KATNIP: variants seen among roughly 807,000 people sequenced by gnomAD.
KATNIP encodes katanin-interacting protein.
A neutral mutation model predicts 174.0 loss-of-function variants in KATNIP; 126 were observed. The observed-to-expected ratio is 0.72, with a 90% CI of 0.63 to 0.84. The LOEUF (loss-of-function observed/expected upper bound fraction) is 0.84. Among genes scored for constraint, KATNIP ranks in the 40% least tolerant of loss-of-function variants. KATNIP has a pLI of 0.00. For synonymous variants in KATNIP, 810 were observed against 835.7 expected, an observed-to-expected ratio of 0.97 and a Z score of 0.53; for missense variants, 1,958 against 2,109.7, an observed-to-expected ratio of 0.93 and a Z score of 1.41.
intron 8 of KATNIP, among the ~76,000 whole-genome samples, chr16:27,689,073 A>C (rs1270407975): frequency 6.6e-6 from 1 of 152,230 alleles, no homozygotes; most frequent in Non-Finnish European, 1.5e-5. Context: ...TGTGAAGATC[A>C]TAGTGCCAGG....
At position 27,774,931 on chromosome 16, in the gene KATNIP, A is replaced by G. The variant is rs1457294946; in HGVS notation, c.4310-14A>G. The stretch of plus-strand genomic sequence containing the variant: ...ACACAGATTTGGGTTATGGCAACTT[A>G]GACGTCTCCTCAGATATTGCGGCCT... On this transcript the variant is annotated splice_polypyrimidine_tract_variant and intron_variant, in intron 23 of 27. Transcript: ENST00000261588. The G allele has an allele frequency of 1.9e-6, 3 of 1,613,682 alleles. No individual in the cohort carries two copies. Among genetic ancestry groups the G allele is most frequent in the Non-Finnish European group, 2.5e-6 (3 of 1,179,864 alleles).
Position 27,751,907 on chromosome 16 carries a change from T to C in KATNIP, c.3535T>C (p.Leu1179=). 6.2e-7 allele frequency: 1 copy of C among 1,610,720 alleles called. No homozygotes were observed. Among genetic ancestry groups the C allele is most frequent in the South Asian group, 1.1e-5 (1 of 90,932 alleles). Residue 1179 remains leucine, a synonymous_variant, in exon 17 of 28, where the codon TTG becomes CTG. Transcript: ENST00000261588. The part of the protein sequence containing the change: ...GDERPFTQAG[L]GADERIPELE... ...TGAGCGGCCCTTCACCCAGGCTGGC[T>C]TGGGGGCTGATGAACGGGTAGGACT...
intron 1 of KATNIP, among the ~76,000 whole-genome samples, chr16:27,558,486 C>T (rs2089720715): frequency 6.6e-6 from 1 of 152,116 alleles, no homozygotes; most frequent in Non-Finnish European, 1.5e-5. Flanking sequence ...ATATTATCTG[C>T]CTTTAGAAAC....
chr16:27,728,153 A>G (rs181919294), intron 14 of KATNIP, among the ~76,000 whole-genome samples: 1 of 152,394 alleles, frequency 6.6e-6, no homozygotes, highest in Admixed American at 6.5e-5. Flanking sequence ...GGGCCCGGGA[A>G]GTATGACGGG....
chr16:27,597,695 G>T (rs1273363050), intron 2 of KATNIP, among the ~76,000 whole-genome samples: 1 of 152,068 alleles, frequency 6.6e-6, no homozygotes, highest in East Asian at 1.9e-4. Flanking sequence ...GGAGGGAAAT[G>T]GCTGGGTCTG....
intron 13 of KATNIP, among the ~76,000 whole-genome samples, chr16:27,719,475 C>T (rs1326564657): frequency 6.6e-6 from 1 of 151,954 alleles, no homozygotes; most frequent in African/African-American, 2.4e-5. Context: ...TGGGTTCAAG[C>T]GATTCTCCTG....
chr16:27,683,557 G>C (rs2078421887), intron 8 of KATNIP, among the ~76,000 whole-genome samples: 1 of 152,176 alleles, frequency 6.6e-6, no homozygotes, highest in Admixed American at 6.5e-5. Flanking sequence ...GCGTCACAGA[G>C]TTGTCACATT....
At chr16:27,739,824 G>A (rs531851323) in intron 14 of KATNIP, among the ~76,000 whole-genome samples, 79 of 151,298 alleles carry the variant, frequency 5.2e-4, no homozygotes, top group African/African-American at 1.9e-3. Context: ...GATTGAGGCC[G>A]TCTCTTTGTG....
At chr16:27,650,592 G>A (rs988074983) in intron 6 of KATNIP, among the ~76,000 whole-genome samples, 9 of 152,108 alleles carry the variant, frequency 5.9e-5, no homozygotes, top group African/African-American at 2.2e-4. Context: ...TCTACGTATC[G>A]CTTTTATGAA....
At chr16:27,725,311 G>A (rs963274132) in intron 14 of KATNIP, among the ~76,000 whole-genome samples, 2 of 152,344 alleles carry the variant, frequency 1.3e-5, no homozygotes, top group African/African-American at 4.8e-5. Flanking sequence ...ACTTAGGACA[G>A]TGAGATCCCA....
intron 13 of KATNIP, among the ~76,000 whole-genome samples, chr16:27,720,068 G>A (rs1473057931): frequency 1.3e-5 from 2 of 152,116 alleles, no homozygotes; most frequent in African/African-American, 2.4e-5. Flanking sequence ...AAATACCTGT[G>A]TAAGCCAGAC....
chr16:27,609,551 C>G (rs534604769), intron 2 of KATNIP, among the ~76,000 whole-genome samples: 3 of 151,610 alleles, frequency 2.0e-5, no homozygotes, highest in Non-Finnish European at 4.4e-5. Context: ...CCACCATGCC[C>G]GGCTAATTTT....
intron 18 of KATNIP, among the ~76,000 whole-genome samples, chr16:27,760,918 G>A (rs2081928073): frequency 6.6e-6 from 1 of 152,152 alleles, no homozygotes; most frequent in African/African-American, 2.4e-5. Flanking sequence ...GTGCTCACAA[G>A]TCAACCAGGC....
At chr16:27,569,760 T>G (rs1486033651) in intron 1 of KATNIP, among the ~76,000 whole-genome samples, 1 of 152,222 alleles carries the variant, frequency 6.6e-6, no homozygotes, top group Non-Finnish European at 1.5e-5. Context: ...CCAACCAGTC[T>G]TCTAGGGAGT....
chr16:27,580,699 ATTT>A (rs5816440), intron 2 of KATNIP, among the ~76,000 whole-genome samples: 12 of 132,310 alleles, frequency 9.1e-5, no homozygotes, highest in Non-Finnish European at 9.7e-5. Context: ...TTTCTTCTTG[ATTT>A]TTTTTTTTTT....
At chr16:27,769,494 G>A (rs2082225700) in intron 20 of KATNIP, among the ~76,000 whole-genome samples, 1 of 152,208 alleles carries the variant, frequency 6.6e-6, no homozygotes, top group Non-Finnish European at 1.5e-5. Context: ...GCATAGGGAA[G>A]GTAGGTAACA....
At chr16:27,705,831 A>G (rs1484698119) in intron 12 of KATNIP, among the ~76,000 whole-genome samples, 3 of 152,010 alleles carry the variant, frequency 2.0e-5, no homozygotes, top group African/African-American at 7.2e-5. Flanking sequence ...GCCCCCCAGC[A>G]CACCTGGCTG....
chr16:27,768,201 C>G (rs2082185360), intron 20 of KATNIP, among the ~76,000 whole-genome samples: 1 of 152,222 alleles, frequency 6.6e-6, no homozygotes, highest in Non-Finnish European at 1.5e-5. Flanking sequence ...CCAGGGGTCC[C>G]TGACATGTGG....
At chr16:27,598,264 C>T (rs918909514) in intron 2 of KATNIP, among the ~76,000 whole-genome samples, 4 of 149,224 alleles carry the variant, frequency 2.7e-5, no homozygotes, top group Non-Finnish European at 4.5e-5. Flanking sequence ...AAAGAATGTG[C>T]ATTTGGAGAG....
Sources: allele counts gnomAD v4.1 joint callset (sites outside exome capture counted in the v4.1 genomes callset), GRCh38; gene constraint gnomAD v4.1.1; transcripts MANE v1.5; gene names NCBI Gene and HGNC (gene_info 2026-07-23, HGNC 2026-07-21).